Variants in TTC28 observed in about 807,000 individuals in gnomAD.
TTC28 encodes the protein tetratricopeptide repeat protein 28.
A neutral mutation model predicts 198.0 loss-of-function variants in TTC28; 61 were observed. That is an observed-to-expected ratio of 0.31 (90% confidence interval 0.25 to 0.38). The LOEUF (loss-of-function observed/expected upper bound fraction) is 0.38. TTC28 is among the 10% of genes least tolerant of loss of function. The pLI is 1.00. For synonymous variants in TTC28, 1,171 were observed against 1,297.8 expected (o/e 0.90, Z 2.10); for missense variants, 2,678 against 3,164.0 (o/e 0.85, Z 3.69).
intron 13 of TTC28, 101 bp from the exon 14 acceptor site, chr22:28,014,493 G>A (rs1417302646): frequency 2.3e-5 from 31 of 1,366,130 alleles, no homozygotes; most frequent in Non-Finnish European, 3.0e-5. Context: ...GCAGGCTGAG[G>A]CTTCACAGCA....
intron 5 of TTC28, among the ~76,000 whole-genome samples, chr22:28,185,065 A>G (rs927947678): frequency 3.9e-5 from 6 of 152,206 alleles, no homozygotes; most frequent in Admixed American, 3.9e-4. Flanking sequence ...TAAAAGAAGA[A>G]AAGTCCATCC....
intron 6 of TTC28, among the ~76,000 whole-genome samples, chr22:28,130,735 A>G (rs1403514600): frequency 2.6e-5 from 4 of 152,164 alleles, no homozygotes; most frequent in African/African-American, 9.7e-5. Flanking sequence ...GGACTGGATC[A>G]CCTCAATTGT....
intron 2 of TTC28, among the ~76,000 whole-genome samples, chr22:28,460,343 T>C (rs1568957770): frequency 6.6e-6 from 1 of 152,090 alleles, no homozygotes. Context: ...TGCAAGGAGA[T>C]AGAAGGATAT....
intron 19 of TTC28, 141 bp from the exon 20 acceptor site, chr22:27,990,953 G>T: frequency 1.2e-6 from 1 of 801,054 alleles, no homozygotes. Context: ...TGGGAGGGGA[G>T]AGGAGCAAGA....
intron 2 of TTC28, among the ~76,000 whole-genome samples, chr22:28,424,173 T>C (rs1259205197): frequency 6.6e-6 from 1 of 152,216 alleles, no homozygotes; most frequent in African/African-American, 2.4e-5. Context: ...GATGTTTTGA[T>C]ATACAAATTA....
intron 2 of TTC28, among the ~76,000 whole-genome samples, chr22:28,587,249 C>T (rs1225966722): frequency 1.3e-5 from 2 of 152,184 alleles, no homozygotes; most frequent in African/African-American, 4.8e-5. Flanking sequence ...ATCTCATCCA[C>T]TCAGGAGGCT....
At chr22:28,548,939 T>C (rs1455000574) in intron 2 of TTC28, among the ~76,000 whole-genome samples, 1 of 152,220 alleles carries the variant, frequency 6.6e-6, no homozygotes, top group Non-Finnish European at 1.5e-5. Flanking sequence ...TACAGTAAGT[T>C]TTGTTAATAG....
At chr22:28,300,232 T>C (rs2044992419) in intron 3 of TTC28, among the ~76,000 whole-genome samples, 1 of 152,194 alleles carries the variant, frequency 6.6e-6, no homozygotes, top group Admixed American at 6.5e-5. Flanking sequence ...TCAGCTTTTA[T>C]TATAGATGGC....
At chr22:28,012,998 C>T (rs1377324209) in intron 14 of TTC28, among the ~76,000 whole-genome samples, 1 of 152,212 alleles carries the variant, frequency 6.6e-6, no homozygotes, top group Non-Finnish European at 1.5e-5. Context: ...TGCTTTCCAC[C>T]ACACCCTGTC....
chr22:28,535,497 T>C (rs1440866219), intron 2 of TTC28, among the ~76,000 whole-genome samples: 1 of 152,248 alleles, frequency 6.6e-6, no homozygotes, highest in East Asian at 1.9e-4. Context: ...CATTAATGTT[T>C]TTATAGATAG....
chr22:28,286,933 T>A (rs2044696834), intron 5 of TTC28, among the ~76,000 whole-genome samples: 1 of 152,134 alleles, frequency 6.6e-6, no homozygotes, highest in Admixed American at 6.5e-5. Context: ...TTATGGAATA[T>A]AAGATTAAAA....
chr22:28,199,208 A>G (rs1925658879), intron 5 of TTC28, among the ~76,000 whole-genome samples: 1 of 151,772 alleles, frequency 6.6e-6, no homozygotes, highest in African/African-American at 2.4e-5. Flanking sequence ...CTAAATGACC[A>G]TAAAGGGAAC....
At chr22:28,380,073 T>A (rs1462818267) in intron 2 of TTC28, among the ~76,000 whole-genome samples, 7 of 112,920 alleles carry the variant, frequency 6.2e-5, no homozygotes. Flanking sequence ...TAAAGAAAGC[T>A]AGGTGAAGGG....
intron 18 of TTC28, 83 bp from the exon 19 acceptor site, chr22:27,992,746 T>TAA: frequency 7.4e-7 from 1 of 1,357,914 alleles, no homozygotes; most frequent in African/African-American, 1.5e-5. Context: ...GAAAGAACCC[T>TAA]AAATCCTTGG....
At chr22:27,990,883 G>T in intron 19 of TTC28, 71 bp from the exon 20 acceptor site, 1 of 1,456,724 alleles carries the variant, frequency 6.9e-7, no homozygotes, top group Non-Finnish European at 9.3e-7. Flanking sequence ...AGCACAGGCT[G>T]TTATGCAACA....
At chr22:28,644,675 A>C (rs1055552261) in intron 1 of TTC28, among the ~76,000 whole-genome samples, 1 of 151,430 alleles carries the variant, frequency 6.6e-6, no homozygotes, top group Non-Finnish European at 1.5e-5. Context: ...AAATACAAAA[A>C]TTAGCCAAGC....
chr22:28,559,059 G>A (rs922743240), intron 2 of TTC28, among the ~76,000 whole-genome samples: 14 of 151,772 alleles, frequency 9.2e-5, no homozygotes, highest in African/African-American at 3.1e-4. Context: ...AGAGAATTTC[G>A]GTTTATTTAT....
At chr22:28,502,467 T>G (rs1236359554) in intron 2 of TTC28, among the ~76,000 whole-genome samples, 1 of 131,090 alleles carries the variant, frequency 7.6e-6, no homozygotes, top group East Asian at 2.2e-4. Flanking sequence ...GGTGAAACCC[T>G]GTCTCTACTA....
chr22:28,176,879 T>C (rs867170619), intron 5 of TTC28, among the ~76,000 whole-genome samples: 13 of 152,124 alleles, frequency 8.5e-5, no homozygotes, highest in South Asian at 2.1e-4. Context: ...ACACAGACCT[T>C]ACACATTTAA....
Sources: allele counts gnomAD v4.1 joint callset (sites outside exome capture counted in the v4.1 genomes callset), GRCh38; gene constraint gnomAD v4.1.1; transcripts MANE v1.5; gene names NCBI Gene and HGNC (gene_info 2026-07-23, HGNC 2026-07-21).